Variants in NRF1 observed in about 807,000 individuals in gnomAD.
NRF1 encodes the protein nuclear respiratory factor 1.
Under a neutral mutation model 58.5 loss-of-function variants are expected in NRF1, and 5 were observed. The observed-to-expected ratio is 0.09, with a 90% CI of 0.04 to 0.18. NRF1 has a LOEUF of 0.18. NRF1 is among the 10% of genes least tolerant of loss of function. The pLI, the probability that NRF1 is intolerant of heterozygous loss-of-function variation, is 1.00. For missense variants in NRF1, 288 were observed against 657.7 expected (o/e 0.44, Z 6.15); for synonymous variants, 224 against 246.7 (o/e 0.91, Z 0.86).
At chr7:129,699,567 T>C (rs1466641352) in intron 5 of NRF1, among the ~76,000 whole-genome samples, 1 of 150,724 alleles carries the variant, frequency 6.6e-6, no homozygotes, top group East Asian at 2.0e-4. Context: ...TTTTTTTGTA[T>C]TATTTACAAA....
intron 10 of NRF1, among the ~76,000 whole-genome samples, chr7:129,733,203 C>T (rs1056338529): frequency 6.6e-6 from 1 of 152,184 alleles, no homozygotes; most frequent in Non-Finnish European, 1.5e-5. Context: ...TGCGGTGGCT[C>T]ACGCCTGTAA....
chr7:129,717,628 CA>C (rs1017707896), intron 9 of NRF1, among the ~76,000 whole-genome samples: 2 of 152,078 alleles, frequency 1.3e-5, no homozygotes, highest in African/African-American at 4.8e-5. Flanking sequence ...AGGTAGTTTC[CA>C]AAACTCAATG....
intron 9 of NRF1, 124 bp from the exon 10 acceptor site, chr7:129,727,117 G>A (rs1803467058): frequency 2.2e-6 from 2 of 924,650 alleles, no homozygotes; most frequent in Non-Finnish European, 3.0e-6. Flanking sequence ...TCACATATTT[G>A]CTGGTAGGAT....
intron 9 of NRF1, among the ~76,000 whole-genome samples, chr7:129,724,900 A>G (rs1404322200): frequency 2.6e-5 from 4 of 152,216 alleles, no homozygotes; most frequent in African/African-American, 9.7e-5. Flanking sequence ...ATGTAATGAC[A>G]TTGGATTTGC....
At chr7:129,685,315 C>T (rs866106762) in intron 4 of NRF1, among the ~76,000 whole-genome samples, 30 of 152,166 alleles carry the variant, frequency 2.0e-4, no homozygotes, top group Middle Eastern at 3.4e-3. Context: ...ACTTGGGAGG[C>T]TGAGGTGGGA....
intron 10 of NRF1, among the ~76,000 whole-genome samples, chr7:129,751,669 G>A (rs1284357087): frequency 6.8e-6 from 1 of 146,670 alleles, no homozygotes; most frequent in South Asian, 2.2e-4. Flanking sequence ...GTACAGCAAG[G>A]GACTTGTTCC....
At chr7:129,630,042 G>T (rs570335596) in intron 1 of NRF1, 1 of 152,232 alleles carries the variant, frequency 6.6e-6, no homozygotes, top group Admixed American at 6.5e-5. Flanking sequence ...TAAGCTATTT[G>T]AGGGTCGAAC....
Position 129,707,889 on chromosome 7 carries a change from G to A in NRF1, c.607-1186G>A, listed in dbSNP as rs189349941. 1.1e-4 allele frequency among the ~76,000 whole-genome samples: 16 copies of A among 152,094 alleles called. No homozygotes were observed. The East Asian group carries it at 2.7e-3, about 26-fold the overall frequency. On this transcript the variant is annotated intron_variant, in intron 5 of 10. Transcript: ENST00000393232. ...ATGTAACAATTTGTATCATCTTCTC[G>A]TAAAATAATATCTAATATTTATTAT...
rs546341349 is a variant in NRF1 at position 129,740,313 on chromosome 7, T to C, written c.1348+12948T>C. On this transcript the variant is annotated intron_variant, in intron 10 of 10. Coordinates refer to ENST00000393232, the MANE Select transcript of NRF1 (RefSeq NM_005011.5). Reference sequence around the variant, plus strand: ...ACTACCACTGCTACAACTGCTGTTATGATTATTACCATTATAATGATTAAT... The same window carrying C: ...ACTACCACTGCTACAACTGCTGTTACGATTATTACCATTATAATGATTAAT... 9.2e-5 allele frequency among the ~76,000 whole-genome samples: 14 copies of C among 152,332 alleles called. No individual in the cohort carries two copies. In the East Asian group the frequency reaches 2.3e-3, roughly 25 times the overall value.
Position 129,678,324 on chromosome 7 carries a change from C to T in NRF1, c.465+566C>T, listed in dbSNP as rs180717484. On this transcript the variant is annotated intron_variant, in intron 4 of 10. Transcript: ENST00000393232. Reference sequence around the variant, plus strand: ...ATACAATAGGAACTATTCTTTCTTGCGCCAAATTAACTTTGAATCATTAGT... The same window carrying T: ...ATACAATAGGAACTATTCTTTCTTGTGCCAAATTAACTTTGAATCATTAGT... 2.6e-4 allele frequency among the ~76,000 whole-genome samples: 40 copies of T among 152,210 alleles called. No homozygotes were observed. The East Asian group carries it at 2.7e-3, about 10-fold the overall frequency.
At chr7:129,655,547 G>A (rs1801634668) in intron 1 of NRF1, among the ~76,000 whole-genome samples, 2 of 149,582 alleles carry the variant, frequency 1.3e-5, no homozygotes, top group Non-Finnish European at 3.0e-5. Context: ...ACAGAGTCCC[G>A]CCGTTGCTGT....
At chr7:129,703,064 T>G (rs2116166665) in intron 5 of NRF1, among the ~76,000 whole-genome samples, 1 of 152,298 alleles carries the variant, frequency 6.6e-6, no homozygotes, top group South Asian at 2.1e-4. Flanking sequence ...GTTTTAGAGT[T>G]TTAGAGAACC....
In NRF1 at chr7:129,755,314, G is replaced by A. The variant is rs1260707826; in HGVS notation, c.*133G>A. The A allele has an allele frequency of 5.2e-6, 4 of 776,044 alleles. No individual in the cohort carries two copies. The highest frequency in any genetic ancestry group is 5.5e-6 in the Non-Finnish European group (3 of 544,032). The allele number at this position is 776,044 out of a possible 1,614,324, so 48.1% of individuals were successfully genotyped here. A position where few individuals can be genotyped will look rare whatever the true frequency, so the allele number is the denominator to read the frequency against. ...TTTGTTAACCTTTTTTTTTTTAAAA[G>A]GAAGAAAGCGGATTTTGGAATTGCA... On this transcript the variant is annotated 3_prime_UTR_variant, in exon 11 of 11. Transcript: ENST00000393232. This position sits in a 1 kb window ranked among gnomAD's most constrained non-coding sequence, Gnocchi z 5.8.
At chr7:129,680,554 G>A (rs976369886) in intron 4 of NRF1, among the ~76,000 whole-genome samples, 8 of 152,142 alleles carry the variant, frequency 5.3e-5, no homozygotes, top group East Asian at 1.9e-4. Flanking sequence ...AATGTTCATC[G>A]GCTGATGAAT....
intron 5 of NRF1, among the ~76,000 whole-genome samples, chr7:129,700,033 C>T (rs999234003): frequency 1.4e-4 from 21 of 148,952 alleles, no homozygotes; most frequent in African/African-American, 4.5e-4. Flanking sequence ...CCCAGCTACT[C>T]GGGAGGCTGG....
At chr7:129,733,392 G>A (rs1444877677) in intron 10 of NRF1, among the ~76,000 whole-genome samples, 16 of 151,720 alleles carry the variant, frequency 1.1e-4, no homozygotes, top group Non-Finnish European at 2.1e-4. Flanking sequence ...GCGTGAACCT[G>A]GGAGGTGGAG....
At chr7:129,751,641 A>G (rs1209957917) in intron 10 of NRF1, among the ~76,000 whole-genome samples, 1 of 151,592 alleles carries the variant, frequency 6.6e-6, no homozygotes, top group Non-Finnish European at 1.5e-5. Context: ...CTCCCTGCAC[A>G]CTGTAGTCAC....
chr7:129,635,412 G>T (rs990911406), intron 1 of NRF1, among the ~76,000 whole-genome samples: 2 of 152,148 alleles, frequency 1.3e-5, no homozygotes, highest in Non-Finnish European at 1.5e-5. Flanking sequence ...ACCTTTGGGA[G>T]TGTTACAGTT....
intron 10 of NRF1, among the ~76,000 whole-genome samples, chr7:129,731,735 C>T (rs1053596592): frequency 6.6e-6 from 1 of 152,074 alleles, no homozygotes; most frequent in Non-Finnish European, 1.5e-5. Context: ...CCTACTGAGA[C>T]GCTGGGACCA....
Sources: allele counts gnomAD v4.1 joint callset (sites outside exome capture counted in the v4.1 genomes callset), GRCh38; gene constraint gnomAD v4.1.1; non-coding constraint Gnocchi (gnomAD v3.1); transcripts MANE v1.5; gene names NCBI Gene and HGNC (gene_info 2026-07-23, HGNC 2026-07-21).